Variants in DACH1 observed in about 807,000 individuals in gnomAD.
The protein encoded by DACH1 is dachshund homolog 1.
Under a neutral mutation model 54.2 loss-of-function variants are expected in DACH1, and 12 were observed. The observed-to-expected ratio is 0.22, with a 90% confidence interval of 0.14 to 0.36. The LOEUF is 0.36. Ranked by LOEUF, DACH1 falls within the 10% of genes least tolerant of loss-of-function variation. The pLI, the probability that DACH1 is intolerant of heterozygous loss-of-function variation, is 1.00. For missense variants in DACH1, 805 were observed against 929.8 expected (o/e 0.87, Z 1.75); for synonymous variants, 386 against 366.2 (o/e 1.05, Z -0.62).
intron 6 of DACH1, among the ~76,000 whole-genome samples, chr13:71,549,822 G>A (rs1395853964): frequency 6.6e-6 from 1 of 152,048 alleles, no homozygotes; most frequent in Admixed American, 6.6e-5. Context: ...CTCTCTTGTA[G>A]CCTATTCACA....
At chr13:71,503,226 C>T (rs1880059595) in intron 6 of DACH1, among the ~76,000 whole-genome samples, 2 of 152,166 alleles carry the variant, frequency 1.3e-5, no homozygotes, top group Admixed American at 6.6e-5. Context: ...AATTTCTTTA[C>T]AGGTTTATTT....
At chr13:71,444,664 C>T (rs2138100961) in intron 10 of DACH1, among the ~76,000 whole-genome samples, 1 of 151,994 alleles carries the variant, frequency 6.6e-6, no homozygotes, top group East Asian at 1.9e-4. Context: ...TAGAAAGAAT[C>T]CAGGAGCAAA....
intron 6 of DACH1, among the ~76,000 whole-genome samples, chr13:71,516,163 T>C (rs1173008396): frequency 6.6e-6 from 1 of 151,824 alleles, no homozygotes; most frequent in African/African-American, 2.4e-5. Context: ...TCTTTGCTTT[T>C]TTCCATGAGG....
intron 2 of DACH1, 21 bp downstream of exon 2, chr13:71,681,774 A>G (rs1880909676): frequency 1.9e-6 from 3 of 1,580,272 alleles, no homozygotes; most frequent in Non-Finnish European, 2.6e-6. Context: ...ATTTTTTGGC[A>G]TAAGTGAGTA....
At chr13:71,635,999 G>C (rs964821877) in intron 2 of DACH1, among the ~76,000 whole-genome samples, 2 of 151,992 alleles carry the variant, frequency 1.3e-5, no homozygotes, top group African/African-American at 4.8e-5. Flanking sequence ...GGATAGGCTG[G>C]TCTCGAACTC....
chr13:71,516,996 C>T (rs189991416), intron 6 of DACH1, among the ~76,000 whole-genome samples: 2 of 151,126 alleles, frequency 1.3e-5, no homozygotes, highest in South Asian at 2.1e-4. Context: ...TCTCATATAC[C>T]TTAGTGAGGG....
intron 1 of DACH1, among the ~76,000 whole-genome samples, chr13:71,733,341 CTTGT>C (rs753601894): frequency 9.9e-5 from 15 of 151,910 alleles, no homozygotes; most frequent in African/African-American, 2.2e-4. Flanking sequence ...TTTTTGTTTG[CTTGT>C]TTGTTTGTTT....
At position 71,533,645 on chromosome 13, in the gene DACH1, A is replaced by G. The variant is rs1026828287; in HGVS notation, c.1570+23379T>C. On this transcript the variant is annotated intron_variant, in intron 6 of 10. Transcript: ENST00000613252. ...ATATTTTCACTCTCTCTTTAGTTCA[A>G]TGAAATCTCTATGGGAATGTACTTA... is the stretch of plus-strand genomic sequence containing the variant. 7.9e-5 allele frequency among the ~76,000 whole-genome samples: 12 copies of G among 151,960 alleles called. No homozygotes were observed. In the East Asian group the frequency reaches 1.4e-3, roughly 17 times the overall value.
intron 3 of DACH1, among the ~76,000 whole-genome samples, chr13:71,619,037 T>A (rs973998973): frequency 3.3e-5 from 5 of 151,658 alleles, no homozygotes; most frequent in African/African-American, 1.2e-4. Flanking sequence ...GGCTATATTG[T>A]CAAAATTTTT....
chr13:71,671,303 A>T (rs969827309), intron 2 of DACH1, among the ~76,000 whole-genome samples: 3 of 152,020 alleles, frequency 2.0e-5, no homozygotes, highest in African/African-American at 7.2e-5. Context: ...GAAAAAAAAA[A>T]GTATCCGTTA....
intron 1 of DACH1, among the ~76,000 whole-genome samples, chr13:71,789,992 TA>T (rs1363463278): frequency 6.6e-6 from 1 of 152,170 alleles, no homozygotes; most frequent in African/African-American, 2.4e-5. Flanking sequence ...ACAAATAAGA[TA>T]TTTTTTCATA....
intron 1 of DACH1, among the ~76,000 whole-genome samples, chr13:71,809,757 A>G (rs1944753734): frequency 6.6e-6 from 1 of 152,200 alleles, no homozygotes; most frequent in South Asian, 2.1e-4. Flanking sequence ...ACTGGGCCTT[A>G]TAAGTGTAGA....
chr13:71,672,973 C>T (rs969757805), intron 2 of DACH1, among the ~76,000 whole-genome samples: 1 of 152,102 alleles, frequency 6.6e-6, no homozygotes, highest in African/African-American at 2.4e-5. Flanking sequence ...TAAAAGGAAG[C>T]AAATAATACC....
At chr13:71,617,763 T>C (rs975933721) in intron 3 of DACH1, among the ~76,000 whole-genome samples, 1 of 152,174 alleles carries the variant, frequency 6.6e-6, no homozygotes. Context: ...TCTGTGTAAA[T>C]TGAGCTCTTT....
chr13:71,461,847 C>T (rs1322621649), intron 10 of DACH1, among the ~76,000 whole-genome samples: 1 of 151,842 alleles, frequency 6.6e-6, no homozygotes, highest in Non-Finnish European at 1.5e-5. Flanking sequence ...ATAAAGACAT[C>T]AAAATTATTA....
intron 1 of DACH1, among the ~76,000 whole-genome samples, chr13:71,711,519 A>G (rs1287345485): frequency 6.6e-6 from 1 of 152,140 alleles, no homozygotes; most frequent in Non-Finnish European, 1.5e-5. Flanking sequence ...TTTATTCAGA[A>G]GTGATCATCA....
At chr13:71,450,846 G>A (rs2138115669) in intron 10 of DACH1, among the ~76,000 whole-genome samples, 1 of 152,212 alleles carries the variant, frequency 6.6e-6, no homozygotes, top group Admixed American at 6.5e-5. Flanking sequence ...CTCATCCAGA[G>A]GAAAGCCCTA....
intron 2 of DACH1, among the ~76,000 whole-genome samples, chr13:71,654,453 A>ATAAAG (rs1566409099): frequency 0.012 from 952 of 78,558 alleles, 25 homozygotes; most frequent in Non-Finnish European, 0.018. Flanking sequence ...ATAAAATAAA[A>ATAAAG]TAAAGTAAAA....
intron 6 of DACH1, among the ~76,000 whole-genome samples, chr13:71,490,288 CG>C (rs1296351625): frequency 1.3e-5 from 2 of 152,154 alleles, no homozygotes; most frequent in African/African-American, 4.8e-5. Context: ...CCACACAACA[CG>C]TTTTCCAATT....
Sources: allele counts gnomAD v4.1 joint callset (sites outside exome capture counted in the v4.1 genomes callset), GRCh38; gene constraint gnomAD v4.1.1; transcripts MANE v1.5; gene names NCBI Gene and HGNC (gene_info 2026-07-23, HGNC 2026-07-21).